The following SPRR2G variants were observed in gnomAD, a reference collection of about 807,000 sequenced individuals.
The protein encoded by SPRR2G is small proline-rich protein 2G.
A neutral mutation model predicts 0.7 loss-of-function variants in SPRR2G; 1 was observed. The ratio of observed to expected loss-of-function variants is 1.49; its 90% CI spans 0.53 to 7.06. The LOEUF (loss-of-function observed/expected upper bound fraction) is 7.06, where lower values mean the gene tolerates loss of function less well. SPRR2G is among the 30% of genes most tolerant of loss of function. The pLI, the probability that SPRR2G is intolerant of heterozygous loss-of-function variation, is 0.14. For missense variants in SPRR2G, 96 were observed against 88.5 expected (o/e 1.09, Z -0.34); for synonymous variants, 38 against 33.9 (o/e 1.12, Z -0.42).
chr1:153,191,798 C>T, the SPRR2G span: 1 of 152,202 alleles, frequency 6.6e-6, no homozygotes, highest in African/African-American at 2.4e-5. Flanking sequence ...CACAGTAGCA[C>T]AAGTCTCAAA....
intron 1 of SPRR2G, 121 bp from the exon 2 acceptor site, chr1:153,150,252 G>T (rs1003280117): frequency 1.5e-5 from 21 of 1,410,526 alleles, no homozygotes; most frequent in Middle Eastern, 2.5e-4. Flanking sequence ...CAGTCTTTAT[G>T]ACTTTGTGAA....
the SPRR2G span, among the ~76,000 whole-genome samples, chr1:153,171,500 G>A: frequency 1.3e-4 from 20 of 152,100 alleles, no homozygotes; most frequent in African/African-American, 4.8e-4. Context: ...TACCCTTTCA[G>A]TACCTGAATC....
the SPRR2G span, among the ~76,000 whole-genome samples, chr1:153,200,996 G>A: frequency 2.0e-5 from 3 of 152,118 alleles, no homozygotes; most frequent in South Asian, 2.1e-4. Context: ...GTGAGCCACC[G>A]CGCCTAGCAA....
At position 153,149,783 on chromosome 1, in the gene SPRR2G, G is replaced by A; in HGVS notation, c.*106C>T. The A allele has an allele frequency of 7.1e-7, 1 of 1,399,316 alleles. No homozygotes were observed. The highest frequency in any genetic ancestry group is 2.3e-5 in the East Asian group (1 of 43,006). The allele number at this position is 1,399,316 out of a possible 1,614,324, so 86.7% of individuals were successfully genotyped here. A position where few individuals can be genotyped will look rare whatever the true frequency, so the allele number is the denominator to read the frequency against. ...ACGCTCAAGCCAGACAGAGGTTAGG[G>A]AAGATGCAGCCTCCCACTACAGCTG... On this transcript the variant is annotated 3_prime_UTR_variant, in exon 2 of 2. Coordinates refer to ENST00000368748, the MANE Select transcript of SPRR2G (RefSeq NM_001014291.4).
chr1:153,163,684 A>G, the SPRR2G span, among the ~76,000 whole-genome samples: 1 of 152,050 alleles, frequency 6.6e-6, no homozygotes, highest in African/African-American at 2.4e-5. Context: ...TGTCCCTCTG[A>G]CTGCTCTCTT....
the SPRR2G span, among the ~76,000 whole-genome samples, chr1:153,188,234 T>C: frequency 6.6e-6 from 1 of 152,196 alleles, no homozygotes; most frequent in African/African-American, 2.4e-5. Flanking sequence ...TTGAGCACTG[T>C]GCTGGGAGAT....
At chr1:153,183,671 C>G in the SPRR2G span, among the ~76,000 whole-genome samples, 1 of 152,048 alleles carries the variant, frequency 6.6e-6, no homozygotes, top group Non-Finnish European at 1.5e-5. Flanking sequence ...CTGCAGGTTG[C>G]CTGTTCACTC....
the SPRR2G span, among the ~76,000 whole-genome samples, chr1:153,177,580 A>G: frequency 6.6e-6 from 1 of 152,038 alleles, no homozygotes; most frequent in Non-Finnish European, 1.5e-5. Context: ...TTTTAACTGC[A>G]TTTCCCTGAC....
At position 153,149,767 on chromosome 1, in the gene SPRR2G, C is replaced by T. The variant is rs1184365597; in HGVS notation, c.*122G>A. The T allele has an allele frequency of 1.6e-6, 2 of 1,279,424 alleles. No homozygotes were observed. The highest frequency in any genetic ancestry group is 1.5e-5 in the African/African-American group (1 of 67,906). 79.3% of individuals were successfully genotyped at this position (1,279,424 alleles called of 1,614,324 possible). A position where few individuals can be genotyped will look rare whatever the true frequency, so the allele number is the denominator to read the frequency against. ...AGCCTTTTCTCTGTCAACGCTCAAG[C>T]CAGACAGAGGTTAGGGAAGATGCAG... On this transcript the variant is annotated 3_prime_UTR_variant, in exon 2 of 2. Coordinates refer to ENST00000368748, the MANE Select transcript of SPRR2G (RefSeq NM_001014291.4).
chr1:153,177,297 A>G, the SPRR2G span, among the ~76,000 whole-genome samples: 1 of 152,226 alleles, frequency 6.6e-6, no homozygotes, highest in Non-Finnish European at 1.5e-5. Flanking sequence ...CTATATGAAC[A>G]AAGTTGTTAC....
chr1:153,193,886 G>T, the SPRR2G span, among the ~76,000 whole-genome samples: 5 of 152,106 alleles, frequency 3.3e-5, no homozygotes, highest in African/African-American at 1.2e-4. Context: ...TACCTCCTCA[G>T]GTCTATGAGG....
chr1:153,179,544 A>C, the SPRR2G span, among the ~76,000 whole-genome samples: 1 of 152,138 alleles, frequency 6.6e-6, no homozygotes, highest in Non-Finnish European at 1.5e-5. Context: ...GTGTGTGTGA[A>C]GGTACTCATG....
chr1:153,184,712 T>C, the SPRR2G span, among the ~76,000 whole-genome samples: 1 of 152,202 alleles, frequency 6.6e-6, no homozygotes, highest in South Asian at 2.1e-4. Flanking sequence ...TCTTGCATGA[T>C]TGCCCTGGCC....
chr1:153,200,716 T>C, the SPRR2G span, among the ~76,000 whole-genome samples: 1 of 151,542 alleles, frequency 6.6e-6, no homozygotes, highest in East Asian at 1.9e-4. Flanking sequence ...TTTTTTTTTT[T>C]TGAGACGGAG....
At chr1:153,168,026 C>G in the SPRR2G span, among the ~76,000 whole-genome samples, 1 of 152,144 alleles carries the variant, frequency 6.6e-6, no homozygotes, top group Non-Finnish European at 1.5e-5. Flanking sequence ...TATTCTAAAT[C>G]ACCTTCTTGG....
At chr1:153,185,444 G>A in the SPRR2G span, among the ~76,000 whole-genome samples, 2 of 151,928 alleles carry the variant, frequency 1.3e-5, no homozygotes, top group African/African-American at 4.8e-5. Context: ...TTAGACTTGG[G>A]AGTGTGTAAT....
the SPRR2G span, among the ~76,000 whole-genome samples, chr1:153,175,697 T>C: frequency 6.6e-6 from 1 of 152,240 alleles, no homozygotes; most frequent in East Asian, 1.9e-4. Flanking sequence ...TTTTGTTTAA[T>C]GTCTGTTATC....
the SPRR2G span, among the ~76,000 whole-genome samples, chr1:153,201,104 C>T: frequency 1.3e-5 from 2 of 152,152 alleles, no homozygotes; most frequent in African/African-American, 2.4e-5. Context: ...TCCAGCCTCT[C>T]GTGGAGGCCC....
chr1:153,184,665 T>C, the SPRR2G span, among the ~76,000 whole-genome samples: 1 of 152,210 alleles, frequency 6.6e-6, no homozygotes, highest in Non-Finnish European at 1.5e-5. Context: ...ACAACTTGAC[T>C]TCCCCTCTTC....
Sources: allele counts gnomAD v4.1 joint callset (sites outside exome capture counted in the v4.1 genomes callset), GRCh38; gene constraint gnomAD v4.1.1; transcripts MANE v1.5; gene names NCBI Gene and HGNC (gene_info 2026-07-23, HGNC 2026-07-21).